Variants in R3HCC1L observed in about 807,000 individuals in gnomAD.
The protein encoded by R3HCC1L is R3H domain and coiled-coil containing 1 like.
R3HCC1L carries 51 observed loss-of-function variants against 59.9 expected under a neutral mutation model. The ratio of observed to expected loss-of-function variants is 0.85; its 90% CI spans 0.68 to 1.07. R3HCC1L has a LOEUF of 1.07. R3HCC1L is among the 50% of genes least tolerant of loss of function. R3HCC1L has a pLI of 0.00. For synonymous variants in R3HCC1L, 322 were observed against 315.2 expected, an observed-to-expected ratio of 1.02 and a Z score of -0.23; for missense variants, 965 against 933.0, an observed-to-expected ratio of 1.03 and a Z score of -0.45.
chr10:98,162,466 C>CT (rs1309537072), intron 2 of R3HCC1L, among the ~76,000 whole-genome samples: 1 of 152,244 alleles, frequency 6.6e-6, no homozygotes, highest in African/African-American at 2.4e-5. Flanking sequence ...CCTTATTGCT[C>CT]TTTTTTAATA....
intron 1 of R3HCC1L, among the ~76,000 whole-genome samples, chr10:98,152,639 G>A (rs1320937546): frequency 8.0e-6 from 1 of 125,410 alleles, no homozygotes; most frequent in African/African-American, 2.6e-5. Flanking sequence ...CCTCTGCCCC[G>A]CCACCCCGTC....
chr10:98,207,998 C>A, intron 4 of R3HCC1L, 103 bp from the exon 5 acceptor site: 1 of 1,097,762 alleles, frequency 9.1e-7, no homozygotes, highest in Non-Finnish European at 1.3e-6. Context: ...GTACTCTAGC[C>A]TGGGTGACAG....
rs375640039 is a variant in R3HCC1L at position 98,231,239 on chromosome 10, G to T, written c.1786-273G>T. Reference sequence around the variant, plus strand: ...AACAGTATTCAGTCTGTGTTTTCTCGTGTGCTGGTTAGAGATGCAAGTTGA... The same window carrying T: ...AACAGTATTCAGTCTGTGTTTTCTCTTGTGCTGGTTAGAGATGCAAGTTGA... On this transcript the variant is annotated intron_variant, in intron 5 of 9. Transcript: ENST00000298999. Among the ~76,000 whole-genome samples the T allele has an allele frequency of 3.3e-5, 5 of 152,178 alleles. No homozygotes were observed. In the South Asian group the frequency reaches 1.0e-3, roughly 32 times the overall value.
intron 4 of R3HCC1L, among the ~76,000 whole-genome samples, chr10:98,191,060 A>G (rs1397513072): frequency 2.6e-5 from 4 of 152,090 alleles, no homozygotes; most frequent in Non-Finnish European, 5.9e-5. Context: ...TCATTGATGG[A>G]CATTTGGGTT....
At position 98,206,030 on chromosome 10, in the gene R3HCC1L, A is replaced by G. The variant is rs530989088; in HGVS notation, c.-14-2071A>G. Among the ~76,000 whole-genome samples the G allele has an allele frequency of 3.9e-5, 6 of 152,314 alleles. No homozygotes were observed. The South Asian group carries it at 8.3e-4, about 21-fold the overall frequency. On this transcript the variant is annotated intron_variant, in intron 4 of 9. Coordinates refer to ENST00000298999, the MANE Select transcript of R3HCC1L (RefSeq NM_001351015.2). The stretch of plus-strand genomic sequence containing the variant: ...TTCTGGTACTGACTTCTGGAGAAAC[A>G]TAGAAACATAAACAAGAAATCTTGT...
intron 4 of R3HCC1L, among the ~76,000 whole-genome samples, chr10:98,189,914 A>G (rs867382360): frequency 6.6e-6 from 1 of 152,124 alleles, no homozygotes; most frequent in African/African-American, 2.4e-5. Flanking sequence ...GGAGAAGGAC[A>G]TTTCTTGATT....
intron 4 of R3HCC1L, among the ~76,000 whole-genome samples, chr10:98,198,136 A>G (rs1851640572): frequency 1.3e-5 from 2 of 152,256 alleles, no homozygotes; most frequent in South Asian, 4.2e-4. Context: ...GCTTGAACAA[A>G]TGGGCTGACA....
At chr10:98,146,964 A>T (rs1845710353) in intron 1 of R3HCC1L, among the ~76,000 whole-genome samples, 1 of 151,950 alleles carries the variant, frequency 6.6e-6, no homozygotes, top group Admixed American at 6.6e-5. Context: ...TCTATTTTTC[A>T]TTTTTTGAGG....
At chr10:98,236,187 T>A in intron 9 of R3HCC1L, 23 bp downstream of exon 9, 1 of 1,612,326 alleles carries the variant, frequency 6.2e-7, no homozygotes, top group Non-Finnish European at 8.5e-7. Context: ...GGTGGTGTTC[T>A]TCTCTAGGCC....
At position 98,168,151 on chromosome 10, in the gene R3HCC1L, C is replaced by G. The variant is rs748634750; in HGVS notation, c.-15+4754C>G. On this transcript the variant is annotated intron_variant, in intron 4 of 9. Coordinates refer to ENST00000298999, the MANE Select transcript of R3HCC1L (RefSeq NM_001351015.2). ...GAGTTTTTTTCTTCTCTCCCTGCCCCCTACCGCCAGTTACATATGCAGAGT... is the reference window on the plus strand; with the variant it reads ...GAGTTTTTTTCTTCTCTCCCTGCCCGCTACCGCCAGTTACATATGCAGAGT... Among the ~76,000 whole-genome samples, 14 of 152,256 alleles carry G rather than the reference C, an allele frequency of 9.2e-5. No homozygotes were observed. The East Asian group carries it at 1.7e-3, about 19-fold the overall frequency.
chr10:98,175,497 C>A lies in R3HCC1L; in HGVS notation c.-15+12100C>A, dbSNP rs531586934. On this transcript the variant is annotated intron_variant, in intron 4 of 9. Transcript: ENST00000298999. ...CCCTTACCTGACCCCAAGCTTCTGGCAACCAGTGGTATGTTTTCTGTCTCT... is the reference window on the plus strand; with the variant it reads ...CCCTTACCTGACCCCAAGCTTCTGGAAACCAGTGGTATGTTTTCTGTCTCT... Among the ~76,000 whole-genome samples, 22 of 152,284 alleles carry A rather than the reference C, an allele frequency of 1.4e-4. No homozygotes were observed. The South Asian group carries it at 4.6e-3, about 32-fold the overall frequency.
At chr10:98,138,046 GTT>G (rs1346429353) in intron 1 of R3HCC1L, among the ~76,000 whole-genome samples, 1 of 152,106 alleles carries the variant, frequency 6.6e-6, no homozygotes, top group East Asian at 1.9e-4. Context: ...GGGAGTGAGA[GTT>G]GAGAAAAACC....
rs549787028 is a variant in R3HCC1L at position 98,211,369 on chromosome 10, T to C, written c.1785+1470T>C. 38 of 1,527,204 alleles carry C rather than the reference T, an allele frequency of 2.5e-5. No homozygotes were observed. The Middle Eastern group carries it at 5.0e-4, about 20-fold the overall frequency. The allele number at this position is 1,527,204 out of a possible 1,614,324, so 94.6% of individuals were successfully genotyped here. A position where few individuals can be genotyped will look rare whatever the true frequency, so the allele number is the denominator to read the frequency against. The stretch of plus-strand genomic sequence containing the variant: ...CAAAGGTAATACACTTAAATCTATA[T>C]CAGAATGTGAGTAGGGAACTGCAAA... On this transcript the variant is annotated intron_variant, in intron 5 of 9. Transcript: ENST00000298999.
At chr10:98,200,898 A>G (rs1452186574) in intron 4 of R3HCC1L, among the ~76,000 whole-genome samples, 1 of 152,168 alleles carries the variant, frequency 6.6e-6, no homozygotes, top group South Asian at 2.1e-4. Context: ...AAGGAATTCT[A>G]CCAACAGTAA....
At chr10:98,186,505 A>G (rs1419827941) in intron 4 of R3HCC1L, 2 of 983,674 alleles carry the variant, frequency 2.0e-6, no homozygotes, top group Non-Finnish European at 2.4e-6. Flanking sequence ...GATCTTACAT[A>G]AACCTTTAGA....
chr10:98,225,552 TCC>T (rs1855577676), intron 5 of R3HCC1L, among the ~76,000 whole-genome samples: 1 of 152,326 alleles, frequency 6.6e-6, no homozygotes, highest in South Asian at 2.1e-4. Context: ...AAGTTCTTCC[TCC>T]TCTAGGAAAA....
At chr10:98,140,662 T>G (rs2133860387) in intron 1 of R3HCC1L, among the ~76,000 whole-genome samples, 1 of 152,278 alleles carries the variant, frequency 6.6e-6, no homozygotes, top group East Asian at 1.9e-4. Context: ...GAAGAACATG[T>G]AAATATTTAT....
intron 1 of R3HCC1L, among the ~76,000 whole-genome samples, chr10:98,148,351 C>T (rs903684772): frequency 6.6e-6 from 1 of 152,050 alleles, no homozygotes; most frequent in Non-Finnish European, 1.5e-5. Flanking sequence ...ATTGGACTTC[C>T]TCCTTTCCAA....
At chr10:98,223,556 C>G (rs1175400922) in intron 5 of R3HCC1L, among the ~76,000 whole-genome samples, 1 of 151,272 alleles carries the variant, frequency 6.6e-6, no homozygotes, top group Non-Finnish European at 1.5e-5. Context: ...ATAGATATAT[C>G]TATTCTTTTG....
Sources: allele counts gnomAD v4.1 joint callset (sites outside exome capture counted in the v4.1 genomes callset), GRCh38; gene constraint gnomAD v4.1.1; transcripts MANE v1.5; gene names NCBI Gene and HGNC (gene_info 2026-07-23, HGNC 2026-07-21).